Variants in CNTNAP2 observed in about 807,000 individuals in gnomAD.
CNTNAP2 encodes the protein contactin-associated protein-like 2.
In CNTNAP2, 98 loss-of-function variants were observed where a neutral mutation model predicts 155.2. The ratio of observed to expected loss-of-function variants is 0.63; its 90% CI spans 0.54 to 0.75. The LOEUF is 0.75. Among genes scored for constraint, CNTNAP2 ranks in the 30% least tolerant of loss-of-function variants. CNTNAP2 has a pLI of 0.00. For missense variants in CNTNAP2, 1,727 were observed against 1,688.1 expected (o/e 1.02, Z -0.40); for synonymous variants, 651 against 631.2 (o/e 1.03, Z -0.47).
chr7:148,230,155 G>A (rs765300263), intron 20 of CNTNAP2, among the ~76,000 whole-genome samples: 11 of 152,046 alleles, frequency 7.2e-5, no homozygotes, highest in Non-Finnish European at 1.5e-4. Flanking sequence ...TGGTTTCTCC[G>A]ACCTACTTCT....
At chr7:146,934,085 T>C (rs895035466) in intron 3 of CNTNAP2, among the ~76,000 whole-genome samples, 38 of 152,204 alleles carry the variant, frequency 2.5e-4, no homozygotes, top group African/African-American at 9.1e-4. Context: ...GCCATCCTAT[T>C]ACTGGGTATA....
intron 21 of CNTNAP2, among the ~76,000 whole-genome samples, chr7:148,344,279 C>A (rs113207424): frequency 2.0e-5 from 3 of 151,990 alleles, no homozygotes; most frequent in Admixed American, 6.6e-5. Context: ...AGAGCAAAAC[C>A]GAGTCAAAAA....
chr7:147,328,498 G>A (rs571905657), intron 9 of CNTNAP2, among the ~76,000 whole-genome samples: 4 of 152,268 alleles, frequency 2.6e-5, no homozygotes, highest in South Asian at 2.1e-4. Flanking sequence ...GGACTGGGAC[G>A]ACTGAATCGA....
chr7:146,150,688 A>G (rs576272146), intron 1 of CNTNAP2, among the ~76,000 whole-genome samples: 11 of 152,032 alleles, frequency 7.2e-5, no homozygotes, highest in African/African-American at 1.4e-4. Flanking sequence ...TAGAACATTA[A>G]ATAGTATTGT....
intron 1 of CNTNAP2, among the ~76,000 whole-genome samples, chr7:146,619,313 G>T (rs1006965319): frequency 6.6e-6 from 1 of 152,020 alleles, no homozygotes; most frequent in Non-Finnish European, 1.5e-5. Flanking sequence ...ACTACATGAA[G>T]AAAAATATTC....
intron 15 of CNTNAP2, among the ~76,000 whole-genome samples, chr7:148,015,079 C>G (rs1802152071): frequency 6.6e-6 from 1 of 151,996 alleles, no homozygotes; most frequent in Admixed American, 6.6e-5. Flanking sequence ...TTTTGTTTTT[C>G]CTGAGGGTAA....
rs1399646211 is a variant in CNTNAP2 at position 146,808,148 on chromosome 7, C to G, written c.209-31563C>G. Among the ~76,000 whole-genome samples the G allele has an allele frequency of 6.6e-5, 10 of 152,272 alleles. No homozygotes were observed. The East Asian group carries it at 1.9e-3, about 29-fold the overall frequency. ...TCTTGCCATCTCTCAAGCACATTCT[C>G]TAATATAATTTATTCATTGAAGCAT... On this transcript the variant is annotated intron_variant, in intron 2 of 23. Transcript: ENST00000361727.
Position 148,415,786 on chromosome 7 carries a change from A to AC in CNTNAP2, c.*170_*171insC. ...ATATTCTTGAGACTGATCACAAAAA[A>AC]AAAAACCTTTTTAATATTTCTTTAT... is the stretch of plus-strand genomic sequence containing the variant. On this transcript the variant is annotated 3_prime_UTR_variant, in exon 24 of 24. Transcript: ENST00000361727. The AC allele has an allele frequency of 1.4e-6, 1 of 715,450 alleles. No homozygotes were observed. The highest frequency in any genetic ancestry group is 2.3e-6 in the Non-Finnish European group (1 of 438,174). The allele number at this position is 715,450 out of a possible 1,614,324, so 44.3% of individuals were successfully genotyped here.
intron 1 of CNTNAP2, among the ~76,000 whole-genome samples, chr7:146,643,758 G>A (rs970847325): frequency 1.4e-4 from 21 of 152,186 alleles, no homozygotes; most frequent in African/African-American, 4.8e-4. Flanking sequence ...GGGCAGTATG[G>A]CCATTTTCAT....
rs113470569 is a variant in CNTNAP2, at chr7:146,572,580, C to T, written c.98-201691C>T. Among the ~76,000 whole-genome samples, 998 of 152,216 alleles carry T rather than the reference C, an allele frequency of 6.6e-3. 8 individuals are homozygous for T. Among genetic ancestry groups the T allele is most frequent in the African/African-American group, 0.022 (927 of 41,518 alleles). On this transcript the variant is annotated intron_variant, in intron 1 of 23. Coordinates refer to ENST00000361727, the MANE Select transcript of CNTNAP2 (RefSeq NM_014141.6). ...ACTATGGACATCCCAATGTTCCCAG[C>T]GGGCAGGGGACAAGGAGGACATGAA...
At chr7:148,007,801 T>C (rs1028226945) in intron 15 of CNTNAP2, among the ~76,000 whole-genome samples, 2 of 152,170 alleles carry the variant, frequency 1.3e-5, no homozygotes, top group Admixed American at 6.5e-5. Flanking sequence ...CATTCCATAC[T>C]CATTAAATAT....
chr7:147,008,881 G>A (rs1291877418), intron 3 of CNTNAP2, among the ~76,000 whole-genome samples: 1 of 151,824 alleles, frequency 6.6e-6, no homozygotes, highest in Non-Finnish European at 1.5e-5. Context: ...AAAGAGGAGA[G>A]AGACATAGCC....
intron 21 of CNTNAP2, among the ~76,000 whole-genome samples, chr7:148,344,526 A>C (rs543569061): frequency 1.3e-4 from 20 of 152,276 alleles, no homozygotes; most frequent in African/African-American, 4.8e-4. Flanking sequence ...TATTCACACA[A>C]GCAGTCCTGT....
intron 11 of CNTNAP2, among the ~76,000 whole-genome samples, chr7:147,539,180 T>C (rs959872818): frequency 1.3e-5 from 2 of 152,218 alleles, no homozygotes; most frequent in African/African-American, 4.8e-5. Flanking sequence ...CATTTATCTT[T>C]AGTATTCTCC....
At chr7:146,468,239 G>A (rs930652567) in intron 1 of CNTNAP2, among the ~76,000 whole-genome samples, 1 of 152,132 alleles carries the variant, frequency 6.6e-6, no homozygotes. Context: ...GTAAGAACAT[G>A]CATCATGGAC....
At chr7:147,170,380 C>A (rs576701053) in intron 8 of CNTNAP2, among the ~76,000 whole-genome samples, 3 of 152,178 alleles carry the variant, frequency 2.0e-5, no homozygotes, top group Admixed American at 2.0e-4. Context: ...CACTAATAGG[C>A]CTTCGGAAGC....
At chr7:146,952,141 C>A (rs956903869) in intron 3 of CNTNAP2, among the ~76,000 whole-genome samples, 12 of 152,204 alleles carry the variant, frequency 7.9e-5, no homozygotes, top group African/African-American at 2.9e-4. Context: ...AATCAATAGA[C>A]ATAATCCATC....
chr7:148,346,129 C>T (rs1442197678), intron 21 of CNTNAP2, among the ~76,000 whole-genome samples: 3 of 152,140 alleles, frequency 2.0e-5, no homozygotes, highest in African/African-American at 4.8e-5. Flanking sequence ...CTTTTACAGT[C>T]GTGCTCTGAT....
intron 14 of CNTNAP2, among the ~76,000 whole-genome samples, chr7:147,975,242 A>C (rs1801409275): frequency 6.6e-6 from 1 of 152,184 alleles, no homozygotes; most frequent in African/African-American, 2.4e-5. Flanking sequence ...ATAAAGGTCA[A>C]GAACAGGCAA....
Sources: allele counts gnomAD v4.1 joint callset (sites outside exome capture counted in the v4.1 genomes callset), GRCh38; gene constraint gnomAD v4.1.1; transcripts MANE v1.5; gene names NCBI Gene and HGNC (gene_info 2026-07-23, HGNC 2026-07-21).